The following PRKCI variants were observed in gnomAD, a reference collection of about 807,000 sequenced individuals.
PRKCI encodes protein kinase C iota type.
PRKCI carries 43 observed loss-of-function variants against 84.0 expected under a neutral mutation model. That is an observed-to-expected ratio of 0.51 (90% confidence interval 0.40 to 0.66). The LOEUF (loss-of-function observed/expected upper bound fraction) is 0.66. PRKCI is among the 30% of genes least tolerant of loss of function. PRKCI has a pLI of 0.00. For synonymous variants in PRKCI, 216 were observed against 234.4 expected (o/e 0.92, Z 0.72); for missense variants, 459 against 745.6 (o/e 0.62, Z 4.48).
At chr3:170,222,837 G>A in intron 1 of PRKCI, 67 bp downstream of exon 1, 1 of 1,205,282 alleles carries the variant, frequency 8.3e-7, no homozygotes, top group East Asian at 2.7e-5. Context: ...CTGGAGGAGG[G>A]GAGGGTGAGG....
intron 12 of PRKCI, chr3:170,291,594 G>C (rs1382344971): frequency 1.5e-5 from 5 of 339,590 alleles, no homozygotes; most frequent in African/African-American, 1.0e-4. Flanking sequence ...CTACTCAGGA[G>C]GCTGAGACAC....
At chr3:170,242,127 A>G (rs1461019599) in intron 2 of PRKCI, among the ~76,000 whole-genome samples, 2 of 152,092 alleles carry the variant, frequency 1.3e-5, no homozygotes, top group Non-Finnish European at 2.9e-5. Context: ...TTTTTTTTGT[A>G]GAGACAGGGT....
At chr3:170,291,462 C>T (rs533155769) in intron 12 of PRKCI, among the ~76,000 whole-genome samples, 4 of 152,086 alleles carry the variant, frequency 2.6e-5, no homozygotes, top group South Asian at 2.1e-4. Context: ...TTTGGGAGGC[C>T]GAGGCAGGTG....
intron 2 of PRKCI, among the ~76,000 whole-genome samples, chr3:170,255,812 G>A (rs768497022): frequency 4.6e-5 from 7 of 152,068 alleles, no homozygotes; most frequent in African/African-American, 7.2e-5. Flanking sequence ...GGCTTTTATC[G>A]TGTTGAGGTA....
At chr3:170,283,779 G>A (rs577651726) in intron 11 of PRKCI, among the ~76,000 whole-genome samples, 2 of 152,142 alleles carry the variant, frequency 1.3e-5, no homozygotes, top group Non-Finnish European at 2.9e-5. Flanking sequence ...GCTAGGAGGT[G>A]TATGTTACGT....
chr3:170,263,289 G>T, intron 3 of PRKCI, 90 bp from the exon 4 acceptor site: 4 of 1,080,998 alleles, frequency 3.7e-6, no homozygotes, highest in Middle Eastern at 4.1e-4. Context: ...TGAAATCTGG[G>T]TCAGTTTCTT....
chr3:170,234,510 T>G (rs1250009781), intron 1 of PRKCI, among the ~76,000 whole-genome samples: 1 of 152,218 alleles, frequency 6.6e-6, no homozygotes, highest in Non-Finnish European at 1.5e-5. Context: ...TTCGATGATA[T>G]CCAGTGTAAC....
intron 7 of PRKCI, 95 bp downstream of exon 7, chr3:170,273,435 A>G: frequency 1.7e-6 from 2 of 1,160,140 alleles, no homozygotes; most frequent in East Asian, 2.4e-5. Context: ...AAAAACATTT[A>G]CTTCTTCCCA....
chr3:170,228,751 T>C (rs1356550479), intron 1 of PRKCI, among the ~76,000 whole-genome samples: 1 of 152,178 alleles, frequency 6.6e-6, no homozygotes, highest in Non-Finnish European at 1.5e-5. Context: ...GATTTCTTTC[T>C]TTCTTACATG....
intron 17 of PRKCI, among the ~76,000 whole-genome samples, chr3:170,300,761 A>C (rs770690265): frequency 3.3e-4 from 50 of 151,570 alleles, no homozygotes; most frequent in Non-Finnish European, 5.9e-4. Context: ...TGAAGGTTGA[A>C]TCAATTTCTT....
rs1734942000 is a variant in PRKCI, at chr3:170,305,710, G to A, written c.*2583G>A. 6.6e-6 allele frequency: 1 copy of A among 152,172 alleles called. No homozygotes were observed. The highest frequency in any genetic ancestry group is 1.5e-5 in the Non-Finnish European group (1 of 68,024). The allele number at this position is 152,172 out of a possible 1,614,324, so 9.4% of individuals were successfully genotyped here. ...AGTTCGCTCAAAATACTCAACAGGGGAATAGGCAGCGGACAGTCAGAATGG... is the reference window on the plus strand; with the variant it reads ...AGTTCGCTCAAAATACTCAACAGGGAAATAGGCAGCGGACAGTCAGAATGG... On this transcript the variant is annotated 3_prime_UTR_variant, in exon 18 of 18. Transcript: ENST00000295797.
At chr3:170,237,099 GGT>G (rs1261911264) in intron 2 of PRKCI, among the ~76,000 whole-genome samples, 1 of 152,126 alleles carries the variant, frequency 6.6e-6, no homozygotes. Flanking sequence ...AAGTTTTTGA[GGT>G]AGAGGAGGTG....
At chr3:170,237,418 A>G (rs1409195445) in intron 2 of PRKCI, among the ~76,000 whole-genome samples, 1 of 152,158 alleles carries the variant, frequency 6.6e-6, no homozygotes, top group Non-Finnish European at 1.5e-5. Context: ...AAAGGCCTAC[A>G]TATTGGGTAC....
At chr3:170,269,479 A>G (rs1428200618) in intron 5 of PRKCI, among the ~76,000 whole-genome samples, 1 of 151,898 alleles carries the variant, frequency 6.6e-6, no homozygotes, top group African/African-American at 2.4e-5. Flanking sequence ...AGGGTAACGT[A>G]GTGTGAGATC....
chr3:170,300,583 CAA>C (rs569208737), intron 17 of PRKCI, among the ~76,000 whole-genome samples: 1 of 132,476 alleles, frequency 7.5e-6, no homozygotes, highest in Non-Finnish European at 1.6e-5. Context: ...CTTAAAGCCT[CAA>C]AAAAAAAAAA....
chr3:170,261,445 C>T (rs1733723430), intron 3 of PRKCI, among the ~76,000 whole-genome samples: 2 of 140,786 alleles, frequency 1.4e-5, no homozygotes. Flanking sequence ...TTTTCCTTTA[C>T]AGTGTTTTTT....
intron 2 of PRKCI, among the ~76,000 whole-genome samples, chr3:170,242,152 G>T (rs1176375111): frequency 2.6e-5 from 4 of 152,066 alleles, no homozygotes; most frequent in African/African-American, 9.7e-5. Flanking sequence ...TTACATTGTT[G>T]CCCAGGCTGG....
chr3:170,267,920 A>G lies in PRKCI; in HGVS notation c.370A>G (p.Ile124Val), dbSNP rs946756475. Residue 124 changes from isoleucine to valine, a missense_variant, in exon 5 of 18, where the codon ATC (isoleucine) becomes GTC (valine). By Grantham distance (29) the Ile-to-Val change is conservative. Coordinates refer to ENST00000295797, the MANE Select transcript of PRKCI (RefSeq NM_002740.6). ...AACTATTACTCTGTCTTCAGAATCC[A>G]TCTACCGTAGAGGTGCACGCCGCTG... Reference protein sequence around the residue: ...GMPCPGEDKSIYRRGARRWRK... With the variant: ...GMPCPGEDKSVYRRGARRWRK... 5.6e-6 allele frequency: 9 copies of G among 1,600,946 alleles called. No homozygotes were observed. In the Admixed American group the frequency reaches 1.0e-4, roughly 18 times the overall value.
chr3:170,285,776 G>T (rs1025455477), intron 12 of PRKCI, among the ~76,000 whole-genome samples: 8 of 149,930 alleles, frequency 5.3e-5, no homozygotes, highest in Admixed American at 4.7e-4. Flanking sequence ...ACAGAGTCTC[G>T]CTCTGTCGTC....
Sources: gnomAD v4.1 joint callset for allele counts (sites outside exome capture counted in the v4.1 genomes callset) on GRCh38, gnomAD v4.1.1 for gene constraint, MANE v1.5 for transcripts, NCBI Gene and HGNC (gene_info 2026-07-23, HGNC 2026-07-21) for gene names.